Variants in SLC44A5 observed in about 807,000 individuals in gnomAD.
The protein encoded by SLC44A5 is solute carrier family 44 member 5.
In SLC44A5, 57 loss-of-function variants were observed where a neutral mutation model predicts 101.8. That is an observed-to-expected ratio of 0.56 (90% CI 0.45 to 0.70). The LOEUF is 0.70. Ranked by LOEUF, SLC44A5 falls within the 30% of genes least tolerant of loss-of-function variation. SLC44A5 has a pLI of 0.00. For missense variants in SLC44A5, 737 were observed against 853.1 expected (o/e 0.86, Z 1.70); for synonymous variants, 281 against 290.9 (o/e 0.97, Z 0.35).
chr1:75,282,021 T>C (rs781277413), intron 5 of SLC44A5, among the ~76,000 whole-genome samples: 17 of 152,004 alleles, frequency 1.1e-4, no homozygotes, highest in African/African-American at 2.2e-4. Context: ...CCCAGAATGG[T>C]AGGTTCACCA....
intron 6 of SLC44A5, among the ~76,000 whole-genome samples, chr1:75,260,007 C>T (rs1650353774): frequency 6.6e-6 from 1 of 152,090 alleles, no homozygotes; most frequent in Non-Finnish European, 1.5e-5. Flanking sequence ...CAGGCCTGCC[C>T]TAAAAGAGCT....
the SLC44A5 span, among the ~76,000 whole-genome samples, chr1:75,616,652 G>T: frequency 1.3e-5 from 2 of 152,194 alleles, no homozygotes; most frequent in Admixed American, 6.5e-5. Context: ...GCCCCGAAGC[G>T]CGCGGTTGCC....
intron 7 of SLC44A5, among the ~76,000 whole-genome samples, chr1:75,249,917 A>C (rs1176267887): frequency 6.6e-6 from 1 of 152,158 alleles, no homozygotes; most frequent in African/African-American, 2.4e-5. Context: ...CTCAGCTCAT[A>C]GCTACATTGC....
In SLC44A5 at chr1:75,280,790, T is replaced by C. The variant is rs900504191; in HGVS notation, c.176-5748A>G. Among the ~76,000 whole-genome samples, 51 of 152,060 alleles carry C rather than the reference T, an allele frequency of 3.4e-4. 1 individual carries two copies. Among genetic ancestry groups the C allele is most frequent in the African/African-American group, 1.1e-3 (46 of 41,490 alleles). ...TGCATTTCTCCTTCCTGCCTCCATGTGAAGAAAGATGTGTTTGCTTCTCCT... is the reference window on the plus strand; with the variant it reads ...TGCATTTCTCCTTCCTGCCTCCATGCGAAGAAAGATGTGTTTGCTTCTCCT... On this transcript the variant is annotated intron_variant, in intron 5 of 23. Transcript: ENST00000370859.
At chr1:75,375,825 G>C (rs146984612) in intron 3 of SLC44A5, among the ~76,000 whole-genome samples, 6 of 152,160 alleles carry the variant, frequency 3.9e-5, no homozygotes, top group Admixed American at 6.5e-5. Context: ...CCACTGAATC[G>C]TGGAGGAGCC....
chr1:75,412,445 C>A (rs1570192128), intron 2 of SLC44A5, among the ~76,000 whole-genome samples: 2 of 152,182 alleles, frequency 1.3e-5, no homozygotes, highest in South Asian at 4.2e-4. Context: ...ACCTCAGAAT[C>A]CTTCTCAATA....
At chr1:75,700,491 G>A in the SLC44A5 span, among the ~76,000 whole-genome samples, 1 of 152,084 alleles carries the variant, frequency 6.6e-6, no homozygotes, top group Non-Finnish European at 1.5e-5. Flanking sequence ...AGAATCTCTG[G>A]GACACATTGA....
At chr1:75,548,035 T>C (rs1015893808) in intron 1 of SLC44A5, among the ~76,000 whole-genome samples, 2 of 152,326 alleles carry the variant, frequency 1.3e-5, no homozygotes, top group East Asian at 3.9e-4. Context: ...ATTAACCTTA[T>C]ACTTTTTATT....
chr1:75,213,102 G>A (rs1646890916), intron 22 of SLC44A5, among the ~76,000 whole-genome samples: 1 of 152,098 alleles, frequency 6.6e-6, no homozygotes, highest in Non-Finnish European at 1.5e-5. Context: ...CTTCGGCATG[G>A]GTCAGCTTCT....
intron 4 of SLC44A5, among the ~76,000 whole-genome samples, chr1:75,335,728 T>C (rs1002542818): frequency 6.6e-6 from 1 of 152,248 alleles, no homozygotes; most frequent in Non-Finnish European, 1.5e-5. Flanking sequence ...TATCTACATC[T>C]GTGCTTTAAT....
intron 1 of SLC44A5, among the ~76,000 whole-genome samples, chr1:75,605,870 A>G (rs763960095): frequency 2.0e-5 from 3 of 152,012 alleles, no homozygotes; most frequent in Admixed American, 6.6e-5. Context: ...TCTCTGGAAG[A>G]AAGGAAAGAT....
chr1:75,425,766 G>A (rs149299477), intron 2 of SLC44A5, among the ~76,000 whole-genome samples: 14 of 152,198 alleles, frequency 9.2e-5, no homozygotes, highest in East Asian at 3.9e-4. Context: ...CTTCTTAGCC[G>A]CAGAACTCAC....
At chr1:75,355,603 G>T (rs752358996) in intron 3 of SLC44A5, among the ~76,000 whole-genome samples, 5 of 152,168 alleles carry the variant, frequency 3.3e-5, no homozygotes, top group African/African-American at 4.8e-5. Context: ...ACATAATGAT[G>T]CTTCAGTCAA....
chr1:75,514,235 T>G (rs920813), intron 2 of SLC44A5, among the ~76,000 whole-genome samples: 1 of 152,042 alleles, frequency 6.6e-6, no homozygotes, highest in Non-Finnish European at 1.5e-5. Flanking sequence ...CCAAAAATTA[T>G]GAGCTAAGAC....
chr1:75,438,892 C>CA (rs961179380), intron 2 of SLC44A5, among the ~76,000 whole-genome samples: 5 of 151,950 alleles, frequency 3.3e-5, no homozygotes, highest in African/African-American at 1.2e-4. Context: ...AAATTAACAG[C>CA]AAAAAAATAA....
intron 2 of SLC44A5, among the ~76,000 whole-genome samples, chr1:75,516,536 A>T (rs1669848926): frequency 6.6e-6 from 1 of 152,080 alleles, no homozygotes; most frequent in African/African-American, 2.4e-5. Flanking sequence ...AATTAAAAAT[A>T]AAAAAAATAA....
At chr1:75,645,985 G>T in the SLC44A5 span, among the ~76,000 whole-genome samples, 2 of 132,724 alleles carry the variant, frequency 1.5e-5, 1 homozygote, top group Non-Finnish European at 3.4e-5. Context: ...TGTTCCATTG[G>T]TCCATATATC....
intron 2 of SLC44A5, among the ~76,000 whole-genome samples, chr1:75,414,156 T>C (rs971946225): frequency 6.6e-6 from 1 of 152,050 alleles, no homozygotes; most frequent in Non-Finnish European, 1.5e-5. Flanking sequence ...GCTCAAAATG[T>C]CCATGTTTTA....
chr1:75,675,793 G>A, the SLC44A5 span, among the ~76,000 whole-genome samples: 1 of 152,178 alleles, frequency 6.6e-6, no homozygotes, highest in South Asian at 2.1e-4. Flanking sequence ...GAAAATTTTT[G>A]CAATCTATCC....
Sources: gnomAD v4.1 joint callset for allele counts (sites outside exome capture counted in the v4.1 genomes callset) on GRCh38, gnomAD v4.1.1 for gene constraint, MANE v1.5 for transcripts, NCBI Gene and HGNC (gene_info 2026-07-23, HGNC 2026-07-21) for gene names.